Variants in IRAK2 observed in about 807,000 individuals in gnomAD.
The protein encoded by IRAK2 is interleukin-1 receptor-associated kinase-like 2.
In IRAK2, 57 loss-of-function variants were observed where a neutral mutation model predicts 72.0. The ratio of observed to expected loss-of-function variants is 0.79; its 90% confidence interval spans 0.64 to 0.99. The LOEUF is 0.99. Among genes scored for constraint, IRAK2 ranks in the 50% least tolerant of loss-of-function variants. IRAK2 has a pLI of 0.00. For synonymous variants in IRAK2, 293 were observed against 312.7 expected, an observed-to-expected ratio of 0.94 and a Z score of 0.67; for missense variants, 790 against 794.4, an observed-to-expected ratio of 0.99 and a Z score of 0.07.
Position 10,238,987 on chromosome 3 carries a change from G to C in IRAK2, c.1713G>C (p.Arg571Ser). 1 of 1,613,668 alleles carries C rather than the reference G, an allele frequency of 6.2e-7. No individual in the cohort carries two copies. Among genetic ancestry groups the C allele is most frequent in the African/African-American group, 1.3e-5 (1 of 75,040 alleles). The part of the protein sequence containing the change: ...GEGRLRVIVG[R>S]EADSSSEACV... ...GAAGGCTGCGGGTCATCGTGGGAAGGGAGGCTGACTCCTCCTCTGAGGCCT... is the reference window on the plus strand; with the variant it reads ...GAAGGCTGCGGGTCATCGTGGGAAGCGAGGCTGACTCCTCCTCTGAGGCCT... The change falls in exon 12 of 13, where the codon AGG becomes AGC. Residue 571 changes from arginine to serine, a missense_variant. Coordinates refer to ENST00000256458, the MANE Select transcript of IRAK2 (RefSeq NM_001570.4).
intron 2 of IRAK2, among the ~76,000 whole-genome samples, chr3:10,183,544 T>C (rs904292155): frequency 2.6e-5 from 4 of 152,086 alleles, no homozygotes; most frequent in Non-Finnish European, 5.9e-5. Flanking sequence ...AGTGAAACCC[T>C]GCCTCTACTA....
intron 9 of IRAK2, among the ~76,000 whole-genome samples, chr3:10,225,591 A>G (rs925311464): frequency 1.3e-5 from 2 of 152,190 alleles, no homozygotes; most frequent in African/African-American, 2.4e-5. Flanking sequence ...GAAACATGCT[A>G]TGGATGCTGC....
chr3:10,169,258 G>C (rs7625401), intron 1 of IRAK2, among the ~76,000 whole-genome samples: 23,801 of 152,140 alleles, frequency 0.16, 1,987 homozygotes, highest in Middle Eastern at 0.19. Context: ...GCATTGTCTT[G>C]ATAAACATCT....
intron 10 of IRAK2, among the ~76,000 whole-genome samples, chr3:10,229,139 G>A (rs1697822851): frequency 6.6e-6 from 1 of 152,116 alleles, no homozygotes; most frequent in Admixed American, 6.6e-5. Context: ...GTTTTGCCAT[G>A]TTGGCCAGGC....
chr3:10,204,582 C>T (rs1697409169), intron 3 of IRAK2, among the ~76,000 whole-genome samples: 1 of 152,080 alleles, frequency 6.6e-6, no homozygotes, highest in South Asian at 2.1e-4. Flanking sequence ...AACCTCATCT[C>T]TACTAAAAAT....
intron 10 of IRAK2, among the ~76,000 whole-genome samples, chr3:10,227,518 A>G (rs1257286363): frequency 6.6e-6 from 1 of 151,992 alleles, no homozygotes; most frequent in Non-Finnish European, 1.5e-5. Context: ...ATCTACCTAA[A>G]TCATCTCAAT....
intron 11 of IRAK2, among the ~76,000 whole-genome samples, chr3:10,237,929 C>CTGTGTGTGTGTGTGTGTG (rs138639711): frequency 6.5e-5 from 9 of 138,330 alleles, no homozygotes; most frequent in Non-Finnish European, 9.3e-5. Context: ...TATGTGTGCT[C>CTGTGTGTGTGTGTGTGTG]TGTGTGTGTG....
chr3:10,171,029 G>A (rs376934050), intron 1 of IRAK2, among the ~76,000 whole-genome samples: 1 of 152,214 alleles, frequency 6.6e-6, no homozygotes, highest in Non-Finnish European at 1.5e-5. Flanking sequence ...AGAAGATCCC[G>A]CAGCCACAGA....
intron 6 of IRAK2, among the ~76,000 whole-genome samples, chr3:10,216,256 G>C (rs1366779945): frequency 6.6e-6 from 1 of 152,118 alleles, no homozygotes; most frequent in Admixed American, 6.6e-5. Flanking sequence ...TGCCTTTCTG[G>C]GATAATAAAT....
intron 8 of IRAK2, 93 bp from the exon 9 acceptor site, chr3:10,222,543 A>G (rs1226138688): frequency 1.0e-6 from 1 of 962,668 alleles, no homozygotes; most frequent in African/African-American, 1.6e-5. Context: ...GCAGGAGGTG[A>G]GGTTGCTATA....
intron 3 of IRAK2, among the ~76,000 whole-genome samples, chr3:10,207,204 C>T (rs1575973492): frequency 1.3e-5 from 2 of 152,288 alleles, no homozygotes; most frequent in East Asian, 1.9e-4. Flanking sequence ...CCACCTGCCT[C>T]GGCCTCCCAA....
intron 12 of IRAK2, among the ~76,000 whole-genome samples, chr3:10,241,701 G>A (rs1698063418): frequency 6.6e-6 from 1 of 150,692 alleles, no homozygotes; most frequent in African/African-American, 2.4e-5. Context: ...AGGAGTTCAA[G>A]CCTAGTCTGG....
chr3:10,176,071 T>G (rs1376585248), intron 1 of IRAK2, among the ~76,000 whole-genome samples: 3 of 147,608 alleles, frequency 2.0e-5, no homozygotes, highest in Non-Finnish European at 1.5e-5. Context: ...CCATGTTTTT[T>G]TTTTTTTTTT....
At chr3:10,215,974 G>C (rs1228050318) in intron 6 of IRAK2, among the ~76,000 whole-genome samples, 1 of 152,180 alleles carries the variant, frequency 6.6e-6, no homozygotes, top group Non-Finnish European at 1.5e-5. Context: ...TTATGGTCCA[G>C]TGGGGAGACT....
At chr3:10,165,114 C>CGGCCTG in intron 1 of IRAK2, 66 bp downstream of exon 1, 3 of 1,422,788 alleles carry the variant, frequency 2.1e-6, no homozygotes. Flanking sequence ...CCGCCTGGAG[C>CGGCCTG]GGCCGCCAAG....
chr3:10,174,157 A>G (rs1696838348), intron 1 of IRAK2, among the ~76,000 whole-genome samples: 1 of 152,060 alleles, frequency 6.6e-6, no homozygotes, highest in South Asian at 2.1e-4. Context: ...TCTTCTCTGT[A>G]TTGCTAGAAG....
At chr3:10,186,596 T>G (rs1360187362) in intron 2 of IRAK2, among the ~76,000 whole-genome samples, 1 of 151,540 alleles carries the variant, frequency 6.6e-6, no homozygotes, top group Admixed American at 6.6e-5. Context: ...CTCTCTGTAT[T>G]TGGCAGAGAA....
chr3:10,215,533 T>A (rs751910675), intron 6 of IRAK2, among the ~76,000 whole-genome samples: 5 of 152,052 alleles, frequency 3.3e-5, no homozygotes, highest in Non-Finnish European at 5.9e-5. Context: ...AATATTTTGA[T>A]ATATTTTCAT....
At chr3:10,166,644 T>C (rs1696693249) in intron 1 of IRAK2, among the ~76,000 whole-genome samples, 1 of 152,202 alleles carries the variant, frequency 6.6e-6, no homozygotes, top group Admixed American at 6.6e-5. Context: ...TGTAATATTC[T>C]CTTTTCATTT....
Sources: allele counts gnomAD v4.1 joint callset (sites outside exome capture counted in the v4.1 genomes callset), GRCh38; gene constraint gnomAD v4.1.1; transcripts MANE v1.5; gene names NCBI Gene and HGNC (gene_info 2026-07-23, HGNC 2026-07-21).